The following DAB1 variants were observed in gnomAD, a reference collection of about 807,000 sequenced individuals.
DAB1 encodes the protein DAB adaptor protein 1.
DAB1 carries 15 observed loss-of-function variants against 64.6 expected under a neutral mutation model. The ratio of observed to expected loss-of-function variants is 0.23; its 90% confidence interval spans 0.16 to 0.36. The LOEUF (loss-of-function observed/expected upper bound fraction) is 0.36. Among genes scored for constraint, DAB1 ranks in the 10% least tolerant of loss-of-function variants. The pLI, the probability that DAB1 is intolerant of heterozygous loss-of-function variation, is 1.00. For missense variants in DAB1, 596 were observed against 706.7 expected (o/e 0.84, Z 1.78); for synonymous variants, 235 against 251.9 (o/e 0.93, Z 0.64).
chr1:58,170,766 C>T (rs1035919400), intron 4 of DAB1, among the ~76,000 whole-genome samples: 2 of 152,114 alleles, frequency 1.3e-5, no homozygotes, highest in African/African-American at 4.8e-5. Flanking sequence ...CACTGGAAGG[C>T]ACACTGCCCC....
chr1:57,372,732 C>T (rs553464333), intron 1 of DAB1, among the ~76,000 whole-genome samples: 1 of 152,164 alleles, frequency 6.6e-6, no homozygotes, highest in East Asian at 1.9e-4. Flanking sequence ...ACAATATGTA[C>T]AGTAGATTAT....
chr1:57,325,917 C>A (rs1287707395), intron 1 of DAB1, among the ~76,000 whole-genome samples: 2 of 152,190 alleles, frequency 1.3e-5, no homozygotes, highest in Non-Finnish European at 2.9e-5. Flanking sequence ...CACTCTTTCT[C>A]TCTGAATCTT....
intron 2 of DAB1, among the ~76,000 whole-genome samples, chr1:57,254,862 C>T (rs1235453306): frequency 6.6e-6 from 1 of 151,354 alleles, no homozygotes; most frequent in Admixed American, 6.6e-5. Flanking sequence ...CACACACATA[C>T]ACACACACAC....
chr1:58,486,977 T>C (rs1273703467), intron 3 of DAB1, among the ~76,000 whole-genome samples: 1 of 152,240 alleles, frequency 6.6e-6, no homozygotes. Flanking sequence ...AGAGTCTGGA[T>C]TTTTATTCTA....
intron 5 of DAB1, among the ~76,000 whole-genome samples, chr1:58,064,181 C>T (rs567619526): frequency 7.9e-5 from 12 of 152,252 alleles, no homozygotes; most frequent in Non-Finnish European, 1.2e-4. Flanking sequence ...GGCCTCGTAG[C>T]GCACATAATT....
At chr1:58,485,230 A>T (rs1372151614) in intron 3 of DAB1, among the ~76,000 whole-genome samples, 2 of 117,272 alleles carry the variant, frequency 1.7e-5, no homozygotes, top group African/African-American at 6.9e-5. Context: ...TCTACTACTA[A>T]AAAAAAAAAA....
At chr1:57,000,096 T>C (rs1015009686) in intron 14 of DAB1, among the ~76,000 whole-genome samples, 1 of 142,462 alleles carries the variant, frequency 7.0e-6, no homozygotes, top group Non-Finnish European at 1.5e-5. Flanking sequence ...CAGGCTAGAG[T>C]GCAGTGGCGC....
intron 2 of DAB1, among the ~76,000 whole-genome samples, chr1:57,171,406 G>C (rs549163679): frequency 6.6e-6 from 1 of 152,364 alleles, no homozygotes; most frequent in East Asian, 1.9e-4. Flanking sequence ...AACTCCTGCT[G>C]TCTCTGCAAC....
intron 4 of DAB1, among the ~76,000 whole-genome samples, chr1:58,314,134 T>C (rs1662496585): frequency 6.6e-6 from 1 of 152,138 alleles, no homozygotes; most frequent in Admixed American, 6.6e-5. Context: ...TGACTGAAGA[T>C]TGGACCCTCT....
chr1:58,322,712 C>T (rs984609627), intron 4 of DAB1, among the ~76,000 whole-genome samples: 57 of 152,150 alleles, frequency 3.7e-4, no homozygotes, highest in Non-Finnish European at 1.2e-4. Context: ...ACTAGAAATA[C>T]CATTTGACCC....
chr1:58,168,854 A>G (rs994918844), intron 4 of DAB1, among the ~76,000 whole-genome samples: 2 of 152,194 alleles, frequency 1.3e-5, no homozygotes, highest in African/African-American at 4.8e-5. Context: ...TCCCAATACT[A>G]ACATGACAAT....
At chr1:58,059,325 T>A (rs573788775) in intron 5 of DAB1, among the ~76,000 whole-genome samples, 2 of 152,320 alleles carry the variant, frequency 1.3e-5, no homozygotes, top group South Asian at 4.1e-4. Context: ...TGTACCTCAG[T>A]TTCTTCATCC....
At chr1:58,299,489 G>A (rs1446920657) in intron 4 of DAB1, among the ~76,000 whole-genome samples, 1 of 152,158 alleles carries the variant, frequency 6.6e-6, no homozygotes. Context: ...TGGCATACAA[G>A]CATAGGTGCA....
intron 1 of DAB1, among the ~76,000 whole-genome samples, chr1:57,346,977 G>A (rs1205091714): frequency 6.6e-6 from 1 of 152,154 alleles, no homozygotes; most frequent in African/African-American, 2.4e-5. Flanking sequence ...TGAAGCTTAC[G>A]TACTGGTGGA....
rs539200979 is a variant in DAB1 at position 58,504,810 on chromosome 1, T to C, written n.257+1250A>G. Among the ~76,000 whole-genome samples, 12 of 152,324 alleles carry C rather than the reference T, an allele frequency of 7.9e-5. No individual in the cohort carries two copies. In the South Asian group the frequency reaches 2.1e-3, roughly 26 times the overall value. The stretch of plus-strand genomic sequence containing the variant: ...ATGATAAATCATATCCTTGTACTAA[T>C]AATCATTTTTTATTTATCTTAGCAT... On this transcript the variant is annotated intron_variant and non_coding_transcript_variant, in intron 3 of 20. Coordinates refer to the DAB1 transcript ENST00000485760.
At chr1:58,124,500 G>T (rs868033761) in intron 5 of DAB1, among the ~76,000 whole-genome samples, 16 of 152,090 alleles carry the variant, frequency 1.1e-4, no homozygotes, top group African/African-American at 3.6e-4. Context: ...TGCTTTGCCA[G>T]GACACTGATC....
chr1:57,004,045 C>T (rs912123963), intron 14 of DAB1, among the ~76,000 whole-genome samples: 1 of 152,184 alleles, frequency 6.6e-6, no homozygotes, highest in Non-Finnish European at 1.5e-5. Flanking sequence ...TGTTCCCTCT[C>T]ATAGAAGGTT....
intron 5 of DAB1, among the ~76,000 whole-genome samples, chr1:58,021,923 CACAG>C (rs770476627): frequency 2.6e-5 from 4 of 152,134 alleles, no homozygotes; most frequent in Non-Finnish European, 4.4e-5. Flanking sequence ...GGTTGGGAAC[CACAG>C]ACAGAGTAGG....
chr1:57,691,187 G>A (rs1646759502), intron 6 of DAB1, among the ~76,000 whole-genome samples: 1 of 152,098 alleles, frequency 6.6e-6, no homozygotes, highest in Non-Finnish European at 1.5e-5. Flanking sequence ...TCAGTGCTCT[G>A]TGTCTAGCTA....
Sources: allele counts gnomAD v4.1 joint callset (sites outside exome capture counted in the v4.1 genomes callset), GRCh38; gene constraint gnomAD v4.1.1; transcripts MANE v1.5; gene names NCBI Gene and HGNC (gene_info 2026-07-23, HGNC 2026-07-21).